The following PLAG1 variants were observed in gnomAD, a reference collection of about 807,000 sequenced individuals.
PLAG1 encodes the protein PLAG1 zinc finger, also known as zinc finger protein PLAG1.
A neutral mutation model predicts 35.5 loss-of-function variants in PLAG1; 7 were observed. The observed-to-expected ratio is 0.20, with a 90% CI of 0.11 to 0.37. The LOEUF (loss-of-function observed/expected upper bound fraction) is 0.37, where lower values mean the gene tolerates loss of function less well. PLAG1 is among the 10% of genes least tolerant of loss of function. The pLI is 1.00. For synonymous variants in PLAG1, 229 were observed against 225.4 expected (o/e 1.02, Z -0.14); for missense variants, 454 against 602.8 (o/e 0.75, Z 2.58).
intron 1 of PLAG1, among the ~76,000 whole-genome samples, chr8:56,185,315 T>C (rs1303089092): frequency 6.6e-6 from 1 of 152,166 alleles, no homozygotes; most frequent in Non-Finnish European, 1.5e-5. Context: ...CGTATGCATA[T>C]ATATGTGAAA....
intron 1 of PLAG1, among the ~76,000 whole-genome samples, chr8:56,183,273 A>C (rs1423150215): frequency 6.6e-6 from 1 of 152,254 alleles, no homozygotes; most frequent in Non-Finnish European, 1.5e-5. Context: ...TTCATTTAGA[A>C]AAATTTAAGC....
chr8:56,204,375 G>T (rs916470495), intron 1 of PLAG1, among the ~76,000 whole-genome samples: 2 of 151,624 alleles, frequency 1.3e-5, no homozygotes, highest in Non-Finnish European at 3.0e-5. Flanking sequence ...GTGTTATTTT[G>T]AAACTGTACA....
intron 1 of PLAG1, among the ~76,000 whole-genome samples, chr8:56,179,886 T>G (rs1472755959): frequency 1.3e-5 from 2 of 152,160 alleles, no homozygotes; most frequent in Non-Finnish European, 2.9e-5. Flanking sequence ...TATCTTGTCC[T>G]TAACAATTGC....
chr8:56,166,118 A>G lies in PLAG1; in HGVS notation c.*125T>C, dbSNP rs575754603. ...CTAGTTTCTATTTTATACTGGCTTA[A>G]TGAAAATTTGTATTATACAAAAGCA... On this transcript the variant is annotated 3_prime_UTR_variant, in exon 5 of 5. Transcript: ENST00000316981. The G allele has an allele frequency of 4.8e-6, 3 of 619,194 alleles. No homozygotes were observed. The African/African-American group carries it at 5.5e-5, about 11-fold the overall frequency. The allele number at this position is 619,194 out of a possible 1,614,324, so 38.4% of individuals were successfully genotyped here. A position where few individuals can be genotyped will look rare whatever the true frequency, so the allele number is the denominator to read the frequency against.
At position 56,166,411 on chromosome 8, in the gene PLAG1, G is replaced by T; in HGVS notation, c.1335C>A (p.Ser445=). The T allele has an allele frequency of 6.2e-7, 1 of 1,613,442 alleles. No homozygotes were observed. The highest frequency in any genetic ancestry group is 1.7e-5 in the Admixed American group (1 of 59,902). The change falls in exon 5 of 5, where the codon TCC becomes TCA. Residue 445 remains serine (S), a synonymous_variant. Coordinates refer to ENST00000316981, the MANE Select transcript of PLAG1 (RefSeq NM_002655.3). ...LSVGSLGMSY[S]QEEAHSSVSQ... ...AAACAGAAGAATGTGCTTCTTCCTGGGAATAGCTCATTCCAAGGCTCCCCA... is the reference window on the plus strand; with the variant it reads ...AAACAGAAGAATGTGCTTCTTCCTGTGAATAGCTCATTCCAAGGCTCCCCA...
chr8:56,203,625 C>T (rs1563395770), intron 1 of PLAG1, among the ~76,000 whole-genome samples: 1 of 152,028 alleles, frequency 6.6e-6, no homozygotes, highest in South Asian at 2.1e-4. Context: ...GTCACTAACT[C>T]CTGTTTGGTG....
At chr8:56,188,410 C>T (rs1017522563) in intron 1 of PLAG1, among the ~76,000 whole-genome samples, 1 of 152,228 alleles carries the variant, frequency 6.6e-6, no homozygotes, top group Admixed American at 6.5e-5. Flanking sequence ...ATAGCTGATG[C>T]TTCTAAATTA....
In PLAG1 at chr8:56,165,845, T is replaced by G. The variant is rs1811337199; in HGVS notation, c.*398A>C. ...TTATTCACAAACTTTTTATACAATTTACATTCTATTGCTAAATTTTTTAAT... is the reference window on the plus strand; with the variant it reads ...TTATTCACAAACTTTTTATACAATTGACATTCTATTGCTAAATTTTTTAAT... On this transcript the variant is annotated 3_prime_UTR_variant, in exon 5 of 5. Transcript: ENST00000316981. 2 of 198,388 alleles carry G rather than the reference T, an allele frequency of 1.0e-5. No homozygotes were observed. The highest frequency in any genetic ancestry group is 6.0e-5 in the Admixed American group (1 of 16,640). The allele number at this position is 198,388 out of a possible 1,614,324, so 12.3% of individuals were successfully genotyped here. A position where few individuals can be genotyped will look rare whatever the true frequency, so the allele number is the denominator to read the frequency against.
chr8:56,185,920 T>C (rs185237115), intron 1 of PLAG1, among the ~76,000 whole-genome samples: 8 of 152,358 alleles, frequency 5.3e-5, no homozygotes, highest in Admixed American at 2.6e-4. Context: ...CCATGCTAAT[T>C]GATAGGCTTG....
At chr8:56,209,021 A>G (rs1812776045) in intron 1 of PLAG1, among the ~76,000 whole-genome samples, 1 of 152,184 alleles carries the variant, frequency 6.6e-6, no homozygotes, top group Non-Finnish European at 1.5e-5. Context: ...ACTGCTTACA[A>G]TTTTAAAGAA....
intron 2 of PLAG1, among the ~76,000 whole-genome samples, chr8:56,174,691 A>G (rs973045513): frequency 6.6e-6 from 1 of 152,212 alleles, no homozygotes; most frequent in African/African-American, 2.4e-5. Flanking sequence ...ATAAGATAGA[A>G]TTTACAGTTG....
intron 1 of PLAG1, among the ~76,000 whole-genome samples, chr8:56,188,992 A>G (rs1812101182): frequency 6.6e-6 from 1 of 152,200 alleles, no homozygotes; most frequent in African/African-American, 2.4e-5. Context: ...AATATCTTCC[A>G]CTGGGTCCCA....
intron 1 of PLAG1, among the ~76,000 whole-genome samples, chr8:56,194,316 C>CAAAA (rs544697171): frequency 3.6e-5 from 2 of 56,294 alleles, no homozygotes; most frequent in South Asian, 6.6e-4. Flanking sequence ...AACTCTGTCT[C>CAAAA]AAAAAAAAAA....
chr8:56,208,726 A>G (rs1812768024), intron 1 of PLAG1, among the ~76,000 whole-genome samples: 1 of 152,198 alleles, frequency 6.6e-6, no homozygotes, highest in East Asian at 1.9e-4. Context: ...CTTAATCCCC[A>G]TTATAGTACA....
rs1166827917 is a variant in PLAG1, at chr8:56,166,078, A to C, written c.*165T>G. ...CTTAACTGAACACAAATGGTTCCAA[A>C]GCTCAGTTTAAAAGCTAGTTTCTAT... On this transcript the variant is annotated 3_prime_UTR_variant, in exon 5 of 5. Coordinates refer to ENST00000316981, the MANE Select transcript of PLAG1 (RefSeq NM_002655.3). 2.3e-6 allele frequency: 1 copy of C among 441,924 alleles called. No individual in the cohort carries two copies. The highest frequency in any genetic ancestry group is 2.0e-5 in the African/African-American group (1 of 50,152). 27.4% of individuals were successfully genotyped at this position (441,924 alleles called of 1,614,324 possible). A position where few individuals can be genotyped will look rare whatever the true frequency, so the allele number is the denominator to read the frequency against.
chr8:56,207,067 T>G (rs1011536048), intron 1 of PLAG1, among the ~76,000 whole-genome samples: 3 of 151,994 alleles, frequency 2.0e-5, no homozygotes, highest in Non-Finnish European at 4.4e-5. Context: ...CAGTAAAACT[T>G]TTTTTTCCTT....
At position 56,193,969 on chromosome 8, in the gene PLAG1, C is replaced by T. The variant is rs572764105; in HGVS notation, c.-321-14456G>A. 3.3e-5 allele frequency among the ~76,000 whole-genome samples: 5 copies of T among 152,180 alleles called. No homozygotes were observed. In the East Asian group the frequency reaches 7.8e-4, roughly 24 times the overall value. Reference sequence around the variant, plus strand: ...TCTCGACCCCGTGATCCACTCGCCTCGGCCTTCCAAAGTGCTGGGATTACA... The same window carrying T: ...TCTCGACCCCGTGATCCACTCGCCTTGGCCTTCCAAAGTGCTGGGATTACA... On this transcript the variant is annotated intron_variant, in intron 1 of 4. Transcript: ENST00000316981.
intron 1 of PLAG1, among the ~76,000 whole-genome samples, chr8:56,197,709 G>A (rs994904060): frequency 6.6e-6 from 1 of 152,200 alleles, no homozygotes; most frequent in East Asian, 1.9e-4. Flanking sequence ...GGTATTCTGG[G>A]GGGTGTGCAT....
rs1811376591 is a variant in PLAG1 at position 56,166,966 on chromosome 8, C to T, written c.780G>A (p.Val260=). The T allele has an allele frequency of 6.2e-7, 1 of 1,614,080 alleles. No homozygotes were observed. The highest frequency in any genetic ancestry group is 8.5e-7 in the Non-Finnish European group (1 of 1,179,988). ...FLDPFTCNVS[V]PIKDELLPVM... ...CCGGAAGGAGCTCGTCTTTTATAGG[C>T]ACAGACACATTGCAGGTAAATGGGT... The change falls in exon 5 of 5, where the codon GTG becomes GTA. Residue 260 remains valine, a synonymous_variant. Coordinates refer to ENST00000316981, the MANE Select transcript of PLAG1 (RefSeq NM_002655.3).
Sources: gnomAD v4.1 joint callset for allele counts (sites outside exome capture counted in the v4.1 genomes callset) on GRCh38, gnomAD v4.1.1 for gene constraint, MANE v1.5 for transcripts, NCBI Gene and HGNC (gene_info 2026-07-23, HGNC 2026-07-21) for gene names.